MTCL3: variants seen among roughly 807,000 people sequenced by gnomAD.
The protein encoded by MTCL3 is MTCL family member 3.
chr6:127,493,564 G>A, the MTCL3 span, among the ~76,000 whole-genome samples: 117 of 152,276 alleles, frequency 7.7e-4, no homozygotes, highest in Non-Finnish European at 1.4e-3. Flanking sequence ...TTTATGTCAT[G>A]AAGGCAGAGA....
the MTCL3 span, chr6:127,516,119 C>G: frequency 6.8e-7 from 1 of 1,465,742 alleles, no homozygotes; most frequent in Non-Finnish European, 9.0e-7. Flanking sequence ...CCTCCTCCCC[C>G]TTCTCCGAGC....
At chr6:127,475,287 C>T in the MTCL3 span, 1 of 1,595,344 alleles carries the variant, frequency 6.3e-7, no homozygotes. This position sits in a 1 kb window ranked among gnomAD's most constrained non-coding sequence, Gnocchi z 7.3. Context: ...ATAGGCAGAA[C>T]TGTACCTGAC....
At chr6:127,513,653 C>T in the MTCL3 span, among the ~76,000 whole-genome samples, 1 of 151,940 alleles carries the variant, frequency 6.6e-6, no homozygotes, top group Non-Finnish European at 1.5e-5. Flanking sequence ...TTGAGATTAT[C>T]CTGGAAATTC....
the MTCL3 span, among the ~76,000 whole-genome samples, chr6:127,474,965 A>C: frequency 6.6e-6 from 1 of 152,330 alleles, no homozygotes; most frequent in East Asian, 1.9e-4. Context: ...AACAGAGAAA[A>C]ATATTGACCT....
the MTCL3 span, chr6:127,515,840 G>A: frequency 6.2e-7 from 1 of 1,611,284 alleles, no homozygotes; most frequent in Non-Finnish European, 8.5e-7. The surrounding 1 kb of genome is among the most constrained non-coding windows in gnomAD (Gnocchi z 4.3). Flanking sequence ...AACTGGATGA[G>A]CTCAGACTGC....
chr6:127,488,135 AG>A, the MTCL3 span, among the ~76,000 whole-genome samples: 1 of 152,056 alleles, frequency 6.6e-6, no homozygotes, highest in Non-Finnish European at 1.5e-5. Flanking sequence ...AAACATACCA[AG>A]TATGCCCTTG....
chr6:127,475,379 T>G, the MTCL3 span: 1 of 1,613,400 alleles, frequency 6.2e-7, no homozygotes, highest in East Asian at 2.2e-5. This position sits in a 1 kb window ranked among gnomAD's most constrained non-coding sequence, Gnocchi z 7.3. Flanking sequence ...TGCAGCTCCT[T>G]GCGGAAGGCC....
At chr6:127,485,955 T>C in the MTCL3 span, among the ~76,000 whole-genome samples, 3 of 151,702 alleles carry the variant, frequency 2.0e-5, no homozygotes, top group African/African-American at 7.3e-5. Context: ...GTTGTAGGAG[T>C]AAAGATATAG....
the MTCL3 span, among the ~76,000 whole-genome samples, chr6:127,509,867 C>CA: frequency 6.6e-6 from 1 of 152,128 alleles, no homozygotes; most frequent in Admixed American, 6.5e-5. Flanking sequence ...ATTACCATTG[C>CA]AAAAATCTTA....
the MTCL3 span, among the ~76,000 whole-genome samples, chr6:127,510,757 A>G: frequency 6.6e-6 from 1 of 152,328 alleles, no homozygotes; most frequent in Admixed American, 6.5e-5. Context: ...TGAGACTGAC[A>G]ATGAACATTC....
the MTCL3 span, chr6:127,515,507 T>C: frequency 1.4e-6 from 2 of 1,411,278 alleles, no homozygotes; most frequent in South Asian, 1.6e-5. The surrounding 1 kb of genome is among the most constrained non-coding windows in gnomAD (Gnocchi z 4.3). Context: ...CCCCCCACCC[T>C]CCTCACCTTG....
chr6:127,519,039 G>A, the MTCL3 span: 1 of 151,874 alleles, frequency 6.6e-6, no homozygotes, highest in South Asian at 2.1e-4. Flanking sequence ...AGGCGGGGAG[G>A]GGGACGGGGG....
the MTCL3 span, among the ~76,000 whole-genome samples, chr6:127,487,208 A>G: frequency 6.6e-6 from 1 of 152,324 alleles, no homozygotes; most frequent in East Asian, 1.9e-4. Flanking sequence ...ACTCTGAACA[A>G]CTACATTATA....
the MTCL3 span, chr6:127,516,114 TCC>T: frequency 1.4e-6 from 2 of 1,405,284 alleles, no homozygotes; most frequent in Non-Finnish European, 1.9e-6. Flanking sequence ...CGCCCCCTCC[TCC>T]CCCTTCTCCG....
At chr6:127,496,927 A>G in the MTCL3 span, among the ~76,000 whole-genome samples, 1 of 152,252 alleles carries the variant, frequency 6.6e-6, no homozygotes, top group Non-Finnish European at 1.5e-5. Flanking sequence ...GAGACCACAT[A>G]CAGTGCAATT....
chr6:127,516,722 A>T, the MTCL3 span: 3 of 1,479,500 alleles, frequency 2.0e-6, no homozygotes, highest in Non-Finnish European at 2.7e-6. Flanking sequence ...AAACAAAAGG[A>T]GAGAAGAAGA....
the MTCL3 span, among the ~76,000 whole-genome samples, chr6:127,476,948 A>G: frequency 6.6e-6 from 1 of 152,250 alleles, no homozygotes; most frequent in Admixed American, 6.5e-5. The surrounding 1 kb of genome is among the most constrained non-coding windows in gnomAD (Gnocchi z 4.4). Flanking sequence ...AGGAGTAGTT[A>G]TTACAGTTCC....
the MTCL3 span, among the ~76,000 whole-genome samples, chr6:127,488,449 T>C: frequency 1.3e-5 from 2 of 152,232 alleles, no homozygotes; most frequent in Non-Finnish European, 2.9e-5. Context: ...CTCCTAGAAT[T>C]GGTCTCTGTT....
the MTCL3 span, chr6:127,517,432 G>C: frequency 6.6e-6 from 1 of 151,990 alleles, no homozygotes; most frequent in African/African-American, 2.4e-5. Context: ...TTCCCTTTTG[G>C]GAAATAATTT....
Sources: gnomAD v4.1 joint callset for allele counts (sites outside exome capture counted in the v4.1 genomes callset) on GRCh38, gnomAD v4.1.1 for gene constraint, Gnocchi (gnomAD v3.1) non-coding constraint, MANE v1.5 for transcripts, NCBI Gene and HGNC (gene_info 2026-07-23, HGNC 2026-07-21) for gene names.